MARCO: variants seen among roughly 807,000 people sequenced by gnomAD.
MARCO encodes macrophage receptor with collagenous structure.
In MARCO, 72 loss-of-function variants were observed where a neutral mutation model predicts 70.0. The ratio of observed to expected loss-of-function variants is 1.03; its 90% confidence interval spans 0.85 to 1.25. MARCO has a LOEUF of 1.25. MARCO is among the 50% of genes most tolerant of loss of function. MARCO has a pLI of 0.00. For synonymous variants in MARCO, 273 were observed against 243.1 expected (o/e 1.12, Z -1.14); for missense variants, 696 against 659.3 (o/e 1.06, Z -0.61).
intron 7 of MARCO, among the ~76,000 whole-genome samples, 156 bp from the exon 8 acceptor site, chr2:118,977,672 C>T (rs1680311368): frequency 1.4e-5 from 2 of 144,306 alleles, no homozygotes; most frequent in African/African-American, 5.1e-5. Context: ...TGTCACATTT[C>T]TTCAAGACCA....
chr2:118,990,559 TCCC>T, intron 12 of MARCO, 27 bp from the exon 13 acceptor site: 318 of 1,306,970 alleles, frequency 2.4e-4, no homozygotes, highest in Non-Finnish European at 3.2e-4. Flanking sequence ...TATTATCTCC[TCCC>T]CCCCCCCTTT....
intron 4 of MARCO, among the ~76,000 whole-genome samples, chr2:118,973,792 A>C (rs2104583807): frequency 6.6e-6 from 1 of 152,068 alleles, no homozygotes; most frequent in South Asian, 2.1e-4. Context: ...GGATTGCGAA[A>C]CCCACTTGCC....
intron 3 of MARCO, 127 bp from the exon 4 acceptor site, chr2:118,971,372 C>A: frequency 1.1e-6 from 1 of 912,936 alleles, no homozygotes; most frequent in Non-Finnish European, 1.8e-6. Flanking sequence ...TCCAAACCCC[C>A]ACAGTCTGAT....
chr2:118,974,055 G>A (rs1680226961), intron 4 of MARCO, among the ~76,000 whole-genome samples: 1 of 152,152 alleles, frequency 6.6e-6, no homozygotes, highest in Non-Finnish European at 1.5e-5. Flanking sequence ...TGAGGGAGCT[G>A]AGGCTCAAAA....
At chr2:118,993,066 C>G in intron 15 of MARCO, 58 bp from the exon 16 acceptor site, 1 of 1,500,704 alleles carries the variant, frequency 6.7e-7, no homozygotes, top group East Asian at 2.3e-5. Flanking sequence ...AGAGCCCGCA[C>G]TTACCCAAAG....
At position 118,942,244 on chromosome 2, in the gene MARCO, T is replaced by C; in HGVS notation, c.-57T>C. ...GAAGGATCTTTCTCCAAGTGGTTCCTCTTGAGGGGAGCATTTCTGCTGGCT... is the reference window on the plus strand; with the variant it reads ...GAAGGATCTTTCTCCAAGTGGTTCCCCTTGAGGGGAGCATTTCTGCTGGCT... On this transcript the variant is annotated 5_prime_UTR_variant, in exon 1 of 17. Coordinates refer to ENST00000327097, the MANE Select transcript of MARCO (RefSeq NM_006770.4). 1.7e-6 allele frequency: 2 copies of C among 1,170,584 alleles called. No individual in the cohort carries two copies. Among genetic ancestry groups the C allele is most frequent in the Non-Finnish European group, 2.6e-6 (2 of 779,968 alleles). 72.5% of individuals were successfully genotyped at this position (1,170,584 alleles called of 1,614,324 possible).
chr2:118,969,372 C>T (rs1237524211), intron 2 of MARCO, 111 bp downstream of exon 2: 15 of 757,594 alleles, frequency 2.0e-5, no homozygotes, highest in Non-Finnish European at 3.2e-5. Context: ...CCACTGCTCC[C>T]ATCTGCTGGG....
chr2:118,975,231 C>T (rs1171750085), intron 6 of MARCO, among the ~76,000 whole-genome samples: 1 of 152,172 alleles, frequency 6.6e-6, no homozygotes, highest in Admixed American at 6.5e-5. Flanking sequence ...TTTTCCATTC[C>T]ACTCTGCTCC....
rs201099914 is a variant in MARCO, at chr2:118,982,290, G to C, written c.1000+36G>C. On this transcript the variant is annotated intron_variant, in intron 11 of 16. Transcript: ENST00000327097. ...GGGTCCTATGGTGGGCACAGGGAGTGATGTGTGAAAACCTGCCTAGTCCAG... is the reference window on the plus strand; with the variant it reads ...GGGTCCTATGGTGGGCACAGGGAGTCATGTGTGAAAACCTGCCTAGTCCAG... 4.7e-5 allele frequency: 75 copies of C among 1,612,168 alleles called. No individual in the cohort carries two copies. The African/African-American group carries it at 9.3e-4, about 20-fold the overall frequency.
Position 118,969,622 on chromosome 2 carries a change from A to G in MARCO, c.199+361A>G, listed in dbSNP as rs529647848. On this transcript the variant is annotated intron_variant, in intron 2 of 16. Coordinates refer to ENST00000327097, the MANE Select transcript of MARCO (RefSeq NM_006770.4). The stretch of plus-strand genomic sequence containing the variant: ...TGCTGATCCAAGTGTCCATTTGAAC[A>G]TGATTTTACTTTTGAAGTATTCCCA... Among the ~76,000 whole-genome samples, 4 of 152,334 alleles carry G rather than the reference A, an allele frequency of 2.6e-5. No individual in the cohort carries two copies. The East Asian group carries it at 7.7e-4, about 29-fold the overall frequency.
chr2:118,987,115 A>T (rs1460267155), intron 12 of MARCO, among the ~76,000 whole-genome samples: 1 of 152,222 alleles, frequency 6.6e-6, no homozygotes, highest in African/African-American at 2.4e-5. Flanking sequence ...AACTTAACAC[A>T]CATTTCTTGG....
At chr2:118,945,204 G>A (rs995196708) in intron 1 of MARCO, among the ~76,000 whole-genome samples, 2 of 152,026 alleles carry the variant, frequency 1.3e-5, no homozygotes, top group East Asian at 1.9e-4. Flanking sequence ...GGGCTTGAAC[G>A]AGAGGATTTA....
chr2:118,970,094 T>C lies in MARCO; in HGVS notation c.200-20T>C, dbSNP rs1455294812. The C allele has an allele frequency of 1.9e-6, 3 of 1,603,490 alleles. No individual in the cohort carries two copies. Among genetic ancestry groups the C allele is most frequent in the Admixed American group, 3.3e-5 (2 of 59,972 alleles). On this transcript the variant is annotated intron_variant, in intron 2 of 16. Coordinates refer to ENST00000327097, the MANE Select transcript of MARCO (RefSeq NM_006770.4). Reference sequence around the variant, plus strand: ...TCAAATGCCTCAGTCCCTAAAAGAATGCTGTGGGGTGGGGCCCAGTTCTGA... The same window carrying C: ...TCAAATGCCTCAGTCCCTAAAAGAACGCTGTGGGGTGGGGCCCAGTTCTGA...
At chr2:118,989,418 C>T (rs1680580709) in intron 12 of MARCO, among the ~76,000 whole-genome samples, 1 of 152,216 alleles carries the variant, frequency 6.6e-6, no homozygotes, top group African/African-American at 2.4e-5. Context: ...TCCTGCTTCT[C>T]TTGTTGCCTG....
intron 12 of MARCO, among the ~76,000 whole-genome samples, chr2:118,989,189 G>A (rs1263943991): frequency 6.6e-6 from 1 of 152,214 alleles, no homozygotes; most frequent in Non-Finnish European, 1.5e-5. Context: ...GAGTTTACAA[G>A]CTAAATGTGA....
intron 4 of MARCO, among the ~76,000 whole-genome samples, chr2:118,973,627 C>A (rs200456037): frequency 2.0e-5 from 3 of 152,250 alleles, no homozygotes; most frequent in East Asian, 3.9e-4. Flanking sequence ...TGAAAAGGCT[C>A]CAGAGACAAA....
rs376038629 is a variant in MARCO at position 118,981,422 on chromosome 2, C to G, written c.780C>G (p.Asp260Glu). ...TTGGTTTTTCAGGAAGCAAAGGGGA[C>G]AGGGGCATGAAAGGAGATGCAGGGG... ...GDLGLPGSKG[D>E]RGMKGDAGVM... Residue 260 changes from aspartate (D) to glutamate (E), a missense_variant, in exon 9 of 17, where the codon GAC becomes GAG. Coordinates refer to ENST00000327097, the MANE Select transcript of MARCO (RefSeq NM_006770.4). 1 of 1,600,462 alleles carries G rather than the reference C, an allele frequency of 6.2e-7. No homozygotes were observed. Among genetic ancestry groups the G allele is most frequent in the African/African-American group, 1.4e-5 (1 of 73,698 alleles).
At chr2:118,956,100 A>T (rs745849552) in intron 1 of MARCO, among the ~76,000 whole-genome samples, 2 of 152,216 alleles carry the variant, frequency 1.3e-5, no homozygotes, top group African/African-American at 4.8e-5. Flanking sequence ...AACAAAGTAC[A>T]GGCAACAAAA....
chr2:118,972,356 C>T (rs528280840), intron 4 of MARCO, among the ~76,000 whole-genome samples: 3 of 152,224 alleles, frequency 2.0e-5, no homozygotes, highest in East Asian at 3.9e-4. Flanking sequence ...CCTTTGGTCC[C>T]ATAATATTTC....
Sources: gnomAD v4.1 joint callset for allele counts (sites outside exome capture counted in the v4.1 genomes callset) on GRCh38, gnomAD v4.1.1 for gene constraint, MANE v1.5 for transcripts, NCBI Gene and HGNC (gene_info 2026-07-23, HGNC 2026-07-21) for gene names.